ASH1L: variants seen among roughly 807,000 people sequenced by gnomAD.
ASH1L encodes ASH1 like histone lysine methyltransferase, also known as histone-lysine N-methyltransferase ASH1L.
ASH1L carries 23 observed loss-of-function variants against 269.0 expected under a neutral mutation model. The observed-to-expected ratio is 0.09, with a 90% CI of 0.06 to 0.12. ASH1L has a LOEUF of 0.12. Among genes scored for constraint, ASH1L ranks in the 10% least tolerant of loss-of-function variants. ASH1L has a pLI of 1.00. For missense variants in ASH1L, 2,912 were observed against 3,567.8 expected (o/e 0.82, Z 4.68); for synonymous variants, 1,187 against 1,253.5 (o/e 0.95, Z 1.12).
intron 6 of ASH1L, among the ~76,000 whole-genome samples, chr1:155,411,532 A>C (rs1659758331): frequency 7.1e-6 from 1 of 141,106 alleles, no homozygotes. Context: ...TAAAAAACAG[A>C]AGTGTGGTCT....
At chr1:155,428,422 A>G (rs1661337580) in intron 5 of ASH1L, among the ~76,000 whole-genome samples, 2 of 145,122 alleles carry the variant, frequency 1.4e-5, no homozygotes, top group African/African-American at 4.9e-5. Context: ...AGCTTAGGCG[A>G]CAACAATGAA....
chr1:155,410,976 T>C (rs1349221756), intron 6 of ASH1L, among the ~76,000 whole-genome samples: 1 of 152,192 alleles, frequency 6.6e-6, no homozygotes, highest in African/African-American at 2.4e-5. Context: ...TCAAAACCCA[T>C]AGAATGTATT....
intron 25 of ASH1L, among the ~76,000 whole-genome samples, chr1:155,340,301 G>A (rs1299796738): frequency 6.6e-6 from 1 of 152,020 alleles, no homozygotes; most frequent in Non-Finnish European, 1.5e-5. Context: ...TTCTGCCTCA[G>A]CCTCCTGAGT....
intron 4 of ASH1L, among the ~76,000 whole-genome samples, chr1:155,454,629 G>A (rs540781056): frequency 2.6e-5 from 4 of 152,122 alleles, no homozygotes; most frequent in Admixed American, 6.5e-5. Context: ...TTAGCCAGGC[G>A]TGGTGGCACA....
At chr1:155,457,317 T>A (rs1558126494) in intron 4 of ASH1L, among the ~76,000 whole-genome samples, 1 of 152,200 alleles carries the variant, frequency 6.6e-6, no homozygotes, top group Non-Finnish European at 1.5e-5. Flanking sequence ...ACATACCATA[T>A]ATGATATAGT....
In ASH1L at chr1:155,516,637, A is replaced by T. The variant is rs1035812883; in HGVS notation, c.420+4463T>A. ...GCAAGACCCCATCTCTACAAAAATA[A>T]TTTTTTTTTATTAAAATAAACAAAA... is the stretch of plus-strand genomic sequence containing the variant. On this transcript the variant is annotated intron_variant, in intron 2 of 27. Coordinates refer to ENST00000392403, the MANE Select transcript of ASH1L (RefSeq NM_018489.3). Among the ~76,000 whole-genome samples, 12 of 151,496 alleles carry T rather than the reference A, an allele frequency of 7.9e-5. No homozygotes were observed. In the East Asian group the frequency reaches 1.2e-3, roughly 15 times the overall value.
chr1:155,554,076 G>T (rs553528104), intron 1 of ASH1L, among the ~76,000 whole-genome samples: 1 of 150,480 alleles, frequency 6.6e-6, no homozygotes, highest in African/African-American at 2.4e-5. Context: ...CACTGCGCCC[G>T]GCCCGAGTTT....
intron 2 of ASH1L, among the ~76,000 whole-genome samples, chr1:155,518,960 C>A (rs933843986): frequency 6.6e-6 from 1 of 152,080 alleles, no homozygotes; most frequent in African/African-American, 2.4e-5. Context: ...GTGTACAGTT[C>A]CTGAAAGCGC....
At chr1:155,510,151 C>T (rs1362005202) in intron 2 of ASH1L, among the ~76,000 whole-genome samples, 2 of 152,030 alleles carry the variant, frequency 1.3e-5, no homozygotes, top group African/African-American at 4.8e-5. Context: ...CGCAGCGGCT[C>T]GTGCCTATAA....
rs1464200331 is a variant in ASH1L at position 155,478,347 on chromosome 1, C to A, written c.4523G>T (p.Arg1508Leu). ...GCGCTTCAAAGATTCCAGGACAGAT[C>A]GGGAAGAGCCAGTGTCCATAGAAAC... ...PQVSMDTGSS[R>L]SVLESLKRYR... Residue 1508 changes from arginine to leucine, a missense_variant, in exon 3 of 28, where the codon CGA becomes CTA. By Grantham distance (102) the Arg-to-Leu change is moderately radical. Coordinates refer to ENST00000392403, the MANE Select transcript of ASH1L (RefSeq NM_018489.3). This position sits in a 1 kb window ranked among gnomAD's most constrained non-coding sequence, Gnocchi z 4.6. The A allele has an allele frequency of 6.2e-7, 1 of 1,613,872 alleles. No individual in the cohort carries two copies. The highest frequency in any genetic ancestry group is 1.3e-5 in the African/African-American group (1 of 74,852).
chr1:155,509,658 G>T (rs544036756), intron 2 of ASH1L, among the ~76,000 whole-genome samples: 2 of 152,254 alleles, frequency 1.3e-5, no homozygotes, highest in East Asian at 3.9e-4. Context: ...AATTAGCTGG[G>T]CATGATGGTG....
At position 155,481,863 on chromosome 1, in the gene ASH1L, T is replaced by C. The variant is rs1399146542; in HGVS notation, c.1007A>G (p.Lys336Arg). ...GTITTVGLLS[K>R]DSGKKLGIGI... ...AATTCCTAGCTTCTTTCCTGAATCT[T>C]TGCTTAGCAGTCCTACTGTAGTGAT... The change falls in exon 3 of 28, where the codon AAA (lysine) becomes AGA (arginine). Residue 336 changes from lysine to arginine, a missense_variant. Transcript: ENST00000392403. The C allele has an allele frequency of 5.0e-6, 8 of 1,614,222 alleles. No homozygotes were observed. The South Asian group carries it at 6.6e-5, about 13-fold the overall frequency.
At chr1:155,448,787 G>A (rs1193944493) in intron 4 of ASH1L, among the ~76,000 whole-genome samples, 3 of 151,954 alleles carry the variant, frequency 2.0e-5, no homozygotes, top group South Asian at 2.1e-4. Context: ...GAGCAACTGC[G>A]CCCAGCCCAC....
At chr1:155,541,732 A>T (rs1236909423) in intron 1 of ASH1L, among the ~76,000 whole-genome samples, 1 of 152,170 alleles carries the variant, frequency 6.6e-6, no homozygotes, top group Non-Finnish European at 1.5e-5. Context: ...GCTGATTTTA[A>T]GAAGCTTCAT....
At chr1:155,373,677 G>GT (rs1458543215) in intron 10 of ASH1L, among the ~76,000 whole-genome samples, 1 of 151,678 alleles carries the variant, frequency 6.6e-6, no homozygotes, top group Non-Finnish European at 1.5e-5. Flanking sequence ...TTTTTGGTTT[G>GT]TTTTTTGGAT....
At chr1:155,545,209 C>CAAAAAAAA (rs1670721561) in intron 1 of ASH1L, among the ~76,000 whole-genome samples, 1 of 39,078 alleles carries the variant, frequency 2.6e-5, no homozygotes, top group Non-Finnish European at 6.2e-5. Flanking sequence ...AAAAAAAAAG[C>CAAAAAAAA]TATGTTTTAC....
At chr1:155,551,309 C>T (rs1571140831) in intron 1 of ASH1L, among the ~76,000 whole-genome samples, 1 of 152,100 alleles carries the variant, frequency 6.6e-6, no homozygotes. Context: ...ATAATTGATT[C>T]ACTTTAGCAG....
chr1:155,405,702 G>C (rs1322547300), intron 6 of ASH1L, among the ~76,000 whole-genome samples: 1 of 150,974 alleles, frequency 6.6e-6, no homozygotes, highest in Non-Finnish European at 1.5e-5. Flanking sequence ...TGGTGGTGTG[G>C]GCCTGTAGCC....
At chr1:155,392,468 T>C (rs913858245) in intron 7 of ASH1L, among the ~76,000 whole-genome samples, 4 of 152,160 alleles carry the variant, frequency 2.6e-5, no homozygotes, top group Non-Finnish European at 5.9e-5. Context: ...TTTAAATTTG[T>C]CCAGTTGATG....
Sources: allele counts gnomAD v4.1 joint callset (sites outside exome capture counted in the v4.1 genomes callset), GRCh38; gene constraint gnomAD v4.1.1; non-coding constraint Gnocchi (gnomAD v3.1); transcripts MANE v1.5; gene names NCBI Gene and HGNC (gene_info 2026-07-23, HGNC 2026-07-21).